The following CTF1 variants were observed in gnomAD, a reference collection of about 807,000 sequenced individuals.
The protein encoded by CTF1 is cardiotrophin 1, also known as cardiotrophin-1.
CTF1 carries 9 observed loss-of-function variants against 10.9 expected under a neutral mutation model. That is an observed-to-expected ratio of 0.83 (90% CI 0.50 to 1.44). The LOEUF (loss-of-function observed/expected upper bound fraction) is 1.44. Ranked by LOEUF, CTF1 falls within the 40% of genes most tolerant of loss-of-function variation. The pLI is 0.00. For synonymous variants in CTF1, 133 were observed against 138.8 expected (o/e 0.96, Z 0.29); for missense variants, 259 against 275.3 (o/e 0.94, Z 0.42).
chr16:30,897,904 G>A (rs1285473211), intron 1 of CTF1, among the ~76,000 whole-genome samples: 1 of 152,070 alleles, frequency 6.6e-6, no homozygotes, highest in African/African-American at 2.4e-5. Context: ...TCTGTTGCCA[G>A]GCTGGAGTGC....
intron 2 of CTF1, among the ~76,000 whole-genome samples, chr16:30,901,562 G>A (rs2055400142): frequency 6.6e-6 from 1 of 152,034 alleles, no homozygotes; most frequent in African/African-American, 2.4e-5. Context: ...TGAAGTTGCT[G>A]CTGTTATTAG....
Position 30,899,478 on chromosome 16 carries a change from C to A in CTF1, c.89C>A (p.Thr30Lys). ...CACTTGGAGGCCAAGATCCGTCAGA[C>A]ACACAGCCTTGCGCACCTCCTCACC... is the stretch of plus-strand genomic sequence containing the variant. Reference protein sequence around the residue: ...LPHLEAKIRQTHSLAHLLTKY... With the variant: ...LPHLEAKIRQKHSLAHLLTKY... Residue 30 changes from threonine to lysine, a missense_variant, in exon 2 of 3, where the codon ACA becomes AAA. Transcript: ENST00000279804. 6.2e-7 allele frequency: 1 copy of A among 1,613,270 alleles called. No individual in the cohort carries two copies. Among genetic ancestry groups the A allele is most frequent in the Non-Finnish European group, 8.5e-7 (1 of 1,179,656 alleles).
chr16:30,896,607 G>C (rs895315235), upstream of CTF1: 5 of 1,253,710 alleles, frequency 4.0e-6, no homozygotes, highest in African/African-American at 1.6e-5. Flanking sequence ...CCTCGAAAGG[G>C]GGGCGTGAAG....
intron 2 of CTF1, 46 bp from the exon 3 acceptor site, chr16:30,902,032 G>A (rs2143243847): frequency 1.4e-6 from 2 of 1,410,240 alleles, no homozygotes; most frequent in Admixed American, 2.5e-5. Flanking sequence ...ACAGCCCCCT[G>A]CCCGTGCTCC....
rs2055412547 is a variant in CTF1 at position 30,902,447 on chromosome 16, G to T, written c.514G>T (p.Val172Leu). ...ASATGVFPAK[V>L]LGLRVCGLYR... is the part of the protein sequence containing the mutation. ...CGCCACCGGGGTCTTCCCCGCCAAG[G>T]TGCTGGGGCTCCGCGTTTGCGGCCT... The change falls in exon 3 of 3, where the codon GTG becomes TTG. Residue 172 changes from valine (V) to leucine (L), a missense_variant. By Grantham distance (32) the Val-to-Leu change is conservative. Coordinates refer to ENST00000279804, the MANE Select transcript of CTF1 (RefSeq NM_001330.5). The T allele has an allele frequency of 6.8e-7, 1 of 1,466,946 alleles. No individual in the cohort carries two copies. The highest frequency in any genetic ancestry group is 2.4e-4 in the Middle Eastern group (1 of 4,128). The allele number at this position is 1,466,946 out of a possible 1,614,324, so 90.9% of individuals were successfully genotyped here.
intron 2 of CTF1, 149 bp downstream of exon 2, chr16:30,899,682 C>T (rs1473206354): frequency 3.3e-6 from 2 of 612,938 alleles, no homozygotes; most frequent in Non-Finnish European, 5.8e-6. Flanking sequence ...CCTGGCCACA[C>T]AGCAAATTGG....
Position 30,902,405 on chromosome 16 carries a change from A to G in CTF1, c.472A>G (p.Thr158Ala). ...RGPRAEPPAA[T>A]ASAASATGVF... ...GCCCCGGGCCGAGCCCCCCGCCGCCACCGCCTCAGCCGCCTCCGCCACCGG... is the reference window on the plus strand; with the variant it reads ...GCCCCGGGCCGAGCCCCCCGCCGCCGCCGCCTCAGCCGCCTCCGCCACCGG... Residue 158 changes from threonine (T) to alanine (A), a missense_variant, in exon 3 of 3, where the codon ACC becomes GCC. Physicochemically the swap from Thr to Ala is moderately conservative, Grantham distance 58 (BLOSUM62 0). Transcript: ENST00000279804. The G allele has an allele frequency of 1.6e-6, 2 of 1,282,596 alleles. No homozygotes were observed. The highest frequency in any genetic ancestry group is 2.0e-6 in the Non-Finnish European group (2 of 1,014,626). 79.5% of individuals were successfully genotyped at this position (1,282,596 alleles called of 1,614,324 possible).
At position 30,902,113 on chromosome 16, in the gene CTF1, C is replaced by G; in HGVS notation, c.180C>G (p.Ser60Arg). 7.1e-7 allele frequency: 1 copy of G among 1,417,388 alleles called. No homozygotes were observed. Among genetic ancestry groups the G allele is most frequent in the Non-Finnish European group, 9.2e-7 (1 of 1,082,448 alleles). 87.8% of individuals were successfully genotyped at this position (1,417,388 alleles called of 1,614,324 possible). ...AGGGAGACCCCTTCGGGCTGCCCAG[C>G]TTCTCGCCGCCGCGGCTGCCGGTGG... is the stretch of plus-strand genomic sequence containing the variant. ...QLQGDPFGLPSFSPPRLPVAG... is the reference protein window; with the variant it reads ...QLQGDPFGLPRFSPPRLPVAG... The change falls in exon 3 of 3, where the codon AGC becomes AGG. Residue 60 changes from serine to arginine, a missense_variant. Transcript: ENST00000279804.
At chr16:30,897,214 G>C (rs983576238) in intron 1 of CTF1, among the ~76,000 whole-genome samples, 1 of 152,124 alleles carries the variant, frequency 6.6e-6, no homozygotes, top group Non-Finnish European at 1.5e-5. Flanking sequence ...AGTCCCTCCC[G>C]GGGCGCCAGA....
rs988136449 is a variant in CTF1, at chr16:30,902,741, C to G, written c.*202C>G. 1.4e-5 allele frequency: 10 copies of G among 700,048 alleles called. No homozygotes were observed. Among genetic ancestry groups the G allele is most frequent in the Non-Finnish European group, 2.0e-5 (10 of 491,596 alleles). 43.4% of individuals were successfully genotyped at this position (700,048 alleles called of 1,614,324 possible). ...CCAGGCTGGGGTGCAGTGGCGCGATCCCAGCACTGCAGCCTCAACCTCCTG... is the reference window on the plus strand; with the variant it reads ...CCAGGCTGGGGTGCAGTGGCGCGATGCCAGCACTGCAGCCTCAACCTCCTG... On this transcript the variant is annotated 3_prime_UTR_variant, in exon 3 of 3. Coordinates refer to ENST00000279804, the MANE Select transcript of CTF1 (RefSeq NM_001330.5).
chr16:30,900,413 T>C (rs2055391058), intron 2 of CTF1, among the ~76,000 whole-genome samples: 1 of 152,092 alleles, frequency 6.6e-6, no homozygotes, highest in Admixed American at 6.6e-5. Context: ...ACAATAACAT[T>C]AAAAATAATA....
intron 2 of CTF1, 69 bp from the exon 3 acceptor site, chr16:30,902,009 G>C (rs1222009397): frequency 1.5e-6 from 2 of 1,330,650 alleles, no homozygotes; most frequent in African/African-American, 1.5e-5. Context: ...GAGCGGGTTG[G>C]AGAGCCCAGT....
chr16:30,901,978 G>A (rs1300345503), intron 2 of CTF1, 100 bp from the exon 3 acceptor site: 1 of 1,111,762 alleles, frequency 9.0e-7, no homozygotes, highest in Non-Finnish European at 1.2e-6. Flanking sequence ...TCTGCAAGAT[G>A]AGGAAACTGA....
intron 1 of CTF1, among the ~76,000 whole-genome samples, chr16:30,898,420 G>A (rs902120339): frequency 1.3e-5 from 2 of 152,024 alleles, no homozygotes; most frequent in African/African-American, 2.4e-5. Context: ...CCAAAGTGTG[G>A]GATTAAAGGC....
At chr16:30,898,482 G>A (rs1293738115) in intron 1 of CTF1, among the ~76,000 whole-genome samples, 7 of 151,806 alleles carry the variant, frequency 4.6e-5, no homozygotes, top group Admixed American at 2.0e-4. Flanking sequence ...TAGTAGAAAC[G>A]GGGTTTCACC....
At chr16:30,898,255 A>G (rs924545176) in intron 1 of CTF1, among the ~76,000 whole-genome samples, 1 of 150,246 alleles carries the variant, frequency 6.7e-6, no homozygotes, top group African/African-American at 2.5e-5. Context: ...TCCTCCTCCC[A>G]GGTTCAAGCG....
At chr16:30,896,981 C>T (rs1476287325) in intron 1 of CTF1, among the ~76,000 whole-genome samples, 9 of 151,932 alleles carry the variant, frequency 5.9e-5, no homozygotes, top group Non-Finnish European at 1.0e-4. Flanking sequence ...CACTGAGTCT[C>T]GGGAAAGAAT....
At position 30,902,779 on chromosome 16, in the gene CTF1, C is replaced by T; in HGVS notation, c.*240C>T. ...CCTCAACCTCCTGGGCTCAAGCCAT[C>T]CTTCCGCCTCAGCTTCCCCAGCAGC... On this transcript the variant is annotated 3_prime_UTR_variant, in exon 3 of 3. Transcript: ENST00000279804. The T allele has an allele frequency of 4.8e-6, 2 of 414,310 alleles. No individual in the cohort carries two copies. Among genetic ancestry groups the T allele is most frequent in the Non-Finnish European group, 7.9e-6 (2 of 252,272 alleles). 25.7% of individuals were successfully genotyped at this position (414,310 alleles called of 1,614,324 possible).
intron 1 of CTF1, among the ~76,000 whole-genome samples, chr16:30,898,759 A>C (rs1202555522): frequency 6.6e-6 from 1 of 151,990 alleles, no homozygotes; most frequent in Admixed American, 6.6e-5. Context: ...CCGGGGTTCA[A>C]GTGATCCTCT....
Sources: gnomAD v4.1 joint callset for allele counts (sites outside exome capture counted in the v4.1 genomes callset) on GRCh38, gnomAD v4.1.1 for gene constraint, MANE v1.5 for transcripts, NCBI Gene and HGNC (gene_info 2026-07-23, HGNC 2026-07-21) for gene names.